PDGFRL: variants seen among roughly 807,000 people sequenced by gnomAD.
The protein encoded by PDGFRL is platelet-derived growth factor receptor-like protein.
A neutral mutation model predicts 37.2 loss-of-function variants in PDGFRL; 46 were observed. That is an observed-to-expected ratio of 1.24 (90% CI 0.98 to 1.58). PDGFRL has a LOEUF of 1.58. Ranked by LOEUF, PDGFRL falls within the 40% of genes most tolerant of loss-of-function variation. PDGFRL has a pLI of 0.00. For synonymous variants in PDGFRL, 251 were observed against 184.3 expected (o/e 1.36, Z -2.93); for missense variants, 692 against 467.6 (o/e 1.48, Z -4.43).
intron 1 of PDGFRL, among the ~76,000 whole-genome samples, chr8:17,583,630 C>G (rs992239966): frequency 6.6e-6 from 1 of 152,102 alleles, no homozygotes; most frequent in Non-Finnish European, 1.5e-5. Flanking sequence ...AATTTGATCA[C>G]CAGTGTTGGT....
chr8:17,609,634 TAAAAAAAAAA>T (rs3040922), intron 2 of PDGFRL, among the ~76,000 whole-genome samples: 33 of 43,544 alleles, frequency 7.6e-4, no homozygotes, highest in East Asian at 2.1e-3. Context: ...TGAGACTCTG[TAAAAAAAAAA>T]AAAAAAAAAA....
intron 2 of PDGFRL, among the ~76,000 whole-genome samples, chr8:17,599,230 C>T (rs2588137): frequency 0.83 from 125,599 of 152,130 alleles, 52,016 homozygotes; most frequent in East Asian, 0.89. Context: ...CTGGTGCACC[C>T]GTCGTCACCC....
chr8:17,577,725 C>T (rs1382414280), intron 1 of PDGFRL, among the ~76,000 whole-genome samples: 1 of 151,654 alleles, frequency 6.6e-6, no homozygotes, highest in Non-Finnish European at 1.5e-5. Flanking sequence ...CACCTAAGCT[C>T]GGCAATCGCT....
chr8:17,636,442 G>A (rs1804970794), intron 5 of PDGFRL, among the ~76,000 whole-genome samples: 1 of 152,066 alleles, frequency 6.6e-6, no homozygotes, highest in African/African-American at 2.4e-5. Context: ...GTTTATTTCT[G>A]GGTTCTCTAT....
intron 2 of PDGFRL, among the ~76,000 whole-genome samples, chr8:17,616,031 T>G (rs1194394090): frequency 6.6e-6 from 1 of 152,218 alleles, no homozygotes; most frequent in Non-Finnish European, 1.5e-5. Context: ...TCATTATTGT[T>G]ACTACAAGTC....
At chr8:17,592,915 T>TACACACACACAC (rs1563508720) in intron 2 of PDGFRL, among the ~76,000 whole-genome samples, 2 of 3,180 alleles carry the variant, frequency 6.3e-4, no homozygotes, top group Middle Eastern at 0.1. Context: ...CCCACATACA[T>TACACACACACAC]GCACACACAC....
chr8:17,603,359 A>G (rs1804206173), intron 2 of PDGFRL, among the ~76,000 whole-genome samples: 5 of 152,160 alleles, frequency 3.3e-5, no homozygotes, highest in Admixed American at 2.6e-4. Context: ...AAATTTATTC[A>G]TGCCCCTGTC....
intron 2 of PDGFRL, among the ~76,000 whole-genome samples, chr8:17,591,541 C>T (rs1323357670): frequency 3.3e-5 from 5 of 152,058 alleles, no homozygotes; most frequent in African/African-American, 1.2e-4. Context: ...GCCCTATTTC[C>T]GTATATGATG....
In PDGFRL at chr8:17,628,566, T is replaced by C; in HGVS notation, c.585T>C (p.Pro195=). Residue 195 remains proline, a synonymous_variant, in exon 4 of 6, where the codon CCT becomes CCC. Transcript: ENST00000251630. ...ACCCGGACAGACAGGCTGTGGTTCCTTGTCGGGTGACCGTGCTGTCGGCCA... is the reference window on the plus strand; with the variant it reads ...ACCCGGACAGACAGGCTGTGGTTCCCTGTCGGGTGACCGTGCTGTCGGCCA... ...YLNPDRQAVV[P]CRVTVLSAKV... 1 of 1,614,132 alleles carries C rather than the reference T, an allele frequency of 6.2e-7. No homozygotes were observed. The highest frequency in any genetic ancestry group is 8.5e-7 in the Non-Finnish European group (1 of 1,179,950).
At chr8:17,610,049 A>G (rs1804375469) in intron 2 of PDGFRL, among the ~76,000 whole-genome samples, 1 of 152,202 alleles carries the variant, frequency 6.6e-6, no homozygotes, top group Admixed American at 6.5e-5. Context: ...TGGCTGTTGC[A>G]TTCACTATTC....
chr8:17,637,860 C>G (rs1805003595), intron 5 of PDGFRL, among the ~76,000 whole-genome samples: 1 of 152,036 alleles, frequency 6.6e-6, no homozygotes, highest in Non-Finnish European at 1.5e-5. Context: ...GTATGTAAAG[C>G]TGTTCACAGT....
intron 2 of PDGFRL, among the ~76,000 whole-genome samples, chr8:17,601,183 C>G (rs1426590634): frequency 6.6e-6 from 1 of 152,240 alleles, no homozygotes; most frequent in Non-Finnish European, 1.5e-5. Context: ...AATTGTCCCA[C>G]TTCTTCCTAT....
intron 5 of PDGFRL, among the ~76,000 whole-genome samples, chr8:17,636,729 G>A (rs912310914): frequency 6.6e-6 from 1 of 152,064 alleles, no homozygotes; most frequent in Non-Finnish European, 1.5e-5. Context: ...TCACAATATT[G>A]ATTCTACCCA....
At chr8:17,606,578 G>A (rs1804281992) in intron 2 of PDGFRL, among the ~76,000 whole-genome samples, 1 of 152,192 alleles carries the variant, frequency 6.6e-6, no homozygotes, top group South Asian at 2.1e-4. Context: ...ACCAGCTGCA[G>A]GCCCTCCGTA....
intron 3 of PDGFRL, among the ~76,000 whole-genome samples, chr8:17,627,344 A>G (rs1804753430): frequency 1.3e-5 from 2 of 151,798 alleles, no homozygotes; most frequent in South Asian, 4.2e-4. Flanking sequence ...GTGCTTGTCT[A>G]CTTTAAGTAA....
At chr8:17,615,987 T>G (rs1266269223) in intron 2 of PDGFRL, among the ~76,000 whole-genome samples, 1 of 152,156 alleles carries the variant, frequency 6.6e-6, no homozygotes, top group Non-Finnish European at 1.5e-5. Context: ...TTACGGAGCT[T>G]GGCAGCGTGC....
In PDGFRL at chr8:17,640,231, G is replaced by A. The variant is rs925885759; in HGVS notation, c.940-2382G>A. Among the ~76,000 whole-genome samples the A allele has an allele frequency of 2.0e-5, 3 of 152,094 alleles. No individual in the cohort carries two copies. In the South Asian group the frequency reaches 6.2e-4, roughly 32 times the overall value. ...AAGTTGGAGTTCACCTTTCTCTGAT[G>A]CCTCCTTGAGTAGCTTAATAACTGA... On this transcript the variant is annotated intron_variant, in intron 5 of 5. Transcript: ENST00000251630.
chr8:17,636,493 A>G (rs574607413), intron 5 of PDGFRL, among the ~76,000 whole-genome samples: 2 of 151,182 alleles, frequency 1.3e-5, no homozygotes, highest in African/African-American at 2.4e-5. Flanking sequence ...TACCAGTACC[A>G]TGCTGTTTTG....
chr8:17,621,171 C>G lies in PDGFRL; in HGVS notation c.474C>G (p.Ala158=), dbSNP rs1208863982. 1.2e-6 allele frequency: 2 copies of G among 1,610,204 alleles called. No individual in the cohort carries two copies. Among genetic ancestry groups the G allele is most frequent in the Non-Finnish European group, 1.7e-6 (2 of 1,177,442 alleles). The change falls in exon 3 of 6, where the codon GCC becomes GCG. Residue 158 remains alanine (A), a synonymous_variant. Transcript: ENST00000251630. The stretch of plus-strand genomic sequence containing the variant: ...GCTACATCTGCAGGAAGGACGAGGC[C>G]AAAACGGGCTCCACCTACATCTTTT... ...CSGYICRKDE[A]KTGSTYIFFT... is the part of the protein sequence containing the mutation.
Sources: gnomAD v4.1 joint callset for allele counts (sites outside exome capture counted in the v4.1 genomes callset) on GRCh38, gnomAD v4.1.1 for gene constraint, MANE v1.5 for transcripts, NCBI Gene and HGNC (gene_info 2026-07-23, HGNC 2026-07-21) for gene names.